RAB40C: variants seen among roughly 807,000 people sequenced by gnomAD.
The protein encoded by RAB40C is ras-related protein Rab-40C.
In RAB40C, 8 loss-of-function variants were observed where a neutral mutation model predicts 28.1. The ratio of observed to expected loss-of-function variants is 0.28; its 90% CI spans 0.17 to 0.51. The LOEUF is 0.51. Among genes scored for constraint, RAB40C ranks in the 20% least tolerant of loss-of-function variants. RAB40C has a pLI of 0.97. For missense variants in RAB40C, 288 were observed against 405.9 expected (o/e 0.71, Z 2.50); for synonymous variants, 201 against 171.7 (o/e 1.17, Z -1.34).
At chr16:624,417 C>T in intron 3 of RAB40C, 1 of 985,468 alleles carries the variant, frequency 1.0e-6, no homozygotes, top group African/African-American at 1.7e-5. Context: ...GAAGGGTCTC[C>T]CTCAGCGAGA....
At chr16:607,523 G>T (rs1350504189) in intron 1 of RAB40C, among the ~76,000 whole-genome samples, 1 of 150,922 alleles carries the variant, frequency 6.6e-6, no homozygotes, top group East Asian at 2.0e-4. Flanking sequence ...AAAACGGGGG[G>T]CCGGGCGCGG....
At position 627,778 on chromosome 16, in the gene RAB40C, A is replaced by G. The variant is rs534566973; in HGVS notation, c.*156A>G. ...CACACCTGAGCCGGGTGCGAGGAGG[A>G]GCATGCACGGACCAAGCGCGGCAGG... On this transcript the variant is annotated 3_prime_UTR_variant, in exon 6 of 6. Coordinates refer to ENST00000248139, the MANE Select transcript of RAB40C (RefSeq NM_021168.5). 3.8e-5 allele frequency: 36 copies of G among 956,642 alleles called. No homozygotes were observed. Among genetic ancestry groups the G allele is most frequent in the African/African-American group, 1.7e-5 (1 of 59,550 alleles). The allele number at this position is 956,642 out of a possible 1,614,324, so 59.3% of individuals were successfully genotyped here. A position where few individuals can be genotyped will look rare whatever the true frequency, so the allele number is the denominator to read the frequency against.
rs781461416 is a variant in RAB40C at position 617,196 on chromosome 16, G to A, written c.143-12G>A. 5 of 1,613,458 alleles carry A rather than the reference G, an allele frequency of 3.1e-6. No homozygotes were observed. Among genetic ancestry groups the A allele is most frequent in the Non-Finnish European group, 4.2e-6 (5 of 1,179,942 alleles). ...GTGGCGCGTCCCCTCAGCGCCCTGT[G>A]CTTCCTCGCAGGGATCGACTACAAG... On this transcript the variant is annotated splice_polypyrimidine_tract_variant and intron_variant, in intron 1 of 5. Coordinates refer to ENST00000248139, the MANE Select transcript of RAB40C (RefSeq NM_021168.5).
At chr16:625,852 T>A in intron 4 of RAB40C, 47 bp from the exon 5 acceptor site, 1 of 1,526,616 alleles carries the variant, frequency 6.6e-7, no homozygotes, top group Non-Finnish European at 8.9e-7. Flanking sequence ...GGCTGAGGGG[T>A]GGGTGGCACC....
At chr16:602,647 G>A (rs2036278146) in intron 1 of RAB40C, among the ~76,000 whole-genome samples, 1 of 152,090 alleles carries the variant, frequency 6.6e-6, no homozygotes, top group Non-Finnish European at 1.5e-5. Flanking sequence ...CGGCCAGGCT[G>A]GTCTCGAGTT....
Position 627,974 on chromosome 16 carries a change from G to T in RAB40C, c.*352G>T. 1 of 232,844 alleles carries T rather than the reference G, an allele frequency of 4.3e-6. No individual in the cohort carries two copies. The highest frequency in any genetic ancestry group is 8.3e-6 in the Non-Finnish European group (1 of 120,530). The allele number at this position is 232,844 out of a possible 1,614,324, so 14.4% of individuals were successfully genotyped here. Reference sequence around the variant, plus strand: ...ACATTTTTAAGGGGCCTTCAGGGAAGCCTGGGTGTGGCCCGGTGGTGGTGC... The same window carrying T: ...ACATTTTTAAGGGGCCTTCAGGGAATCCTGGGTGTGGCCCGGTGGTGGTGC... On this transcript the variant is annotated 3_prime_UTR_variant, in exon 6 of 6. Coordinates refer to ENST00000248139, the MANE Select transcript of RAB40C (RefSeq NM_021168.5).
intron 1 of RAB40C, among the ~76,000 whole-genome samples, chr16:614,009 A>C (rs938424314): frequency 3.3e-5 from 5 of 152,222 alleles, no homozygotes; most frequent in Non-Finnish European, 7.3e-5. Context: ...CCTCTACTGC[A>C]TCCAGATGGT....
At chr16:626,198 C>T in intron 5 of RAB40C, 77 bp downstream of exon 5, 1 of 1,434,588 alleles carries the variant, frequency 7.0e-7, no homozygotes, top group South Asian at 1.2e-5. Flanking sequence ...TGAGGGGGGC[C>T]AGGGGCCAGT....
chr16:607,574 C>T (rs1274032192), intron 1 of RAB40C, among the ~76,000 whole-genome samples: 4 of 150,764 alleles, frequency 2.7e-5, no homozygotes, highest in South Asian at 2.1e-4. Context: ...GAGGCCTAGG[C>T]GGGCGGATCA....
intron 5 of RAB40C, 103 bp from the exon 6 acceptor site, chr16:627,239 G>A (rs2036857263): frequency 1.7e-6 from 2 of 1,169,682 alleles, no homozygotes; most frequent in African/African-American, 3.1e-5. Flanking sequence ...ACACCTCTAG[G>A]AGTGTGGAGA....
chr16:620,998 C>G (rs563743057), intron 3 of RAB40C, among the ~76,000 whole-genome samples: 4 of 152,254 alleles, frequency 2.6e-5, no homozygotes, highest in Admixed American at 6.5e-5. Flanking sequence ...AAAGCAAGCT[C>G]TGTTATCATC....
At chr16:618,076 A>T in intron 2 of RAB40C, 124 bp from the exon 3 acceptor site, 1 of 835,678 alleles carries the variant, frequency 1.2e-6, no homozygotes, top group East Asian at 2.7e-5. Context: ...GCACAGCCTC[A>T]TTGGCACCTG....
At chr16:603,947 A>C (rs568939634) in intron 1 of RAB40C, among the ~76,000 whole-genome samples, 2 of 152,360 alleles carry the variant, frequency 1.3e-5, no homozygotes, top group East Asian at 3.8e-4. Flanking sequence ...TCCTTTGCAC[A>C]AATATACCCC....
At chr16:618,958 CAT>C (rs1491440023) in intron 3 of RAB40C, among the ~76,000 whole-genome samples, 8 of 89,578 alleles carry the variant, frequency 8.9e-5, no homozygotes, top group African/African-American at 4.2e-4. Context: ...CACTCAGGGC[CAT>C]GTGTGTGCAG....
chr16:625,785 G>T, intron 4 of RAB40C, 114 bp from the exon 5 acceptor site: 1 of 1,113,942 alleles, frequency 9.0e-7, no homozygotes, highest in Non-Finnish European at 1.3e-6. Context: ...CGCCCACCTT[G>T]ACCTCCCACG....
At position 593,012 on chromosome 16, in the gene RAB40C, C is replaced by T. The variant is rs117876257; in HGVS notation, c.142+2579C>T. On this transcript the variant is annotated intron_variant, in intron 1 of 5. Coordinates refer to ENST00000248139, the MANE Select transcript of RAB40C (RefSeq NM_021168.5). ...CCAGAGGCAGAGAGGAGAGTCCACTCTTAGAAAGACACCACGTGCTCTCAG... is the reference window on the plus strand; with the variant it reads ...CCAGAGGCAGAGAGGAGAGTCCACTTTTAGAAAGACACCACGTGCTCTCAG... 4.2e-3 allele frequency among the ~76,000 whole-genome samples: 633 copies of T among 152,346 alleles called. 1 individual carries two copies. The highest frequency in any genetic ancestry group is 7.7e-3 in the Admixed American group (118 of 15,308).
chr16:598,830 G>A (rs774947503), intron 1 of RAB40C, among the ~76,000 whole-genome samples: 3 of 152,210 alleles, frequency 2.0e-5, no homozygotes, highest in African/African-American at 7.2e-5. Context: ...TACAGCGGCC[G>A]GATGTAAGAA....
Position 627,865 on chromosome 16 carries a change from G to T in RAB40C, c.*243G>T, listed in dbSNP as rs539164681. Reference sequence around the variant, plus strand: ...CGGGAATCTTGGTCGGAAACAAGCCGGGCCTCCCCAGCTGCCTGGGCTTGA... The same window carrying T: ...CGGGAATCTTGGTCGGAAACAAGCCTGGCCTCCCCAGCTGCCTGGGCTTGA... On this transcript the variant is annotated 3_prime_UTR_variant, in exon 6 of 6. Coordinates refer to ENST00000248139, the MANE Select transcript of RAB40C (RefSeq NM_021168.5). The T allele has an allele frequency of 4.3e-6, 2 of 466,656 alleles. No homozygotes were observed. Among genetic ancestry groups the T allele is most frequent in the African/African-American group, 4.0e-5 (2 of 50,206 alleles). The allele number at this position is 466,656 out of a possible 1,614,324, so 28.9% of individuals were successfully genotyped here.
Position 625,414 on chromosome 16 carries a change from C to A in RAB40C, c.265-18C>A. 6.2e-7 allele frequency: 1 copy of A among 1,612,538 alleles called. No individual in the cohort carries two copies. The highest frequency in any genetic ancestry group is 1.1e-5 in the South Asian group (1 of 91,048). On this transcript the variant is annotated intron_variant, in intron 3 of 5. Coordinates refer to ENST00000248139, the MANE Select transcript of RAB40C (RefSeq NM_021168.5). Reference sequence around the variant, plus strand: ...TGCGTGTCAGTGACCCCTGATGACCCCCAAGTCTCTGTTGCAGGGGATCCT... The same window carrying A: ...TGCGTGTCAGTGACCCCTGATGACCACCAAGTCTCTGTTGCAGGGGATCCT...
Sources: allele counts gnomAD v4.1 joint callset (sites outside exome capture counted in the v4.1 genomes callset), GRCh38; gene constraint gnomAD v4.1.1; transcripts MANE v1.5; gene names NCBI Gene and HGNC (gene_info 2026-07-23, HGNC 2026-07-21).